The following NIN variants were observed in gnomAD, a reference collection of about 807,000 sequenced individuals.
NIN encodes ninein.
Under a neutral mutation model 257.6 loss-of-function variants are expected in NIN, and 137 were observed. That is an observed-to-expected ratio of 0.53 (90% CI 0.46 to 0.61). The LOEUF (loss-of-function observed/expected upper bound fraction) is 0.61. Among genes scored for constraint, NIN ranks in the 20% least tolerant of loss-of-function variants. NIN has a pLI of 0.00. For synonymous variants in NIN, 918 were observed against 919.8 expected (o/e 1.00, Z 0.04); for missense variants, 2,439 against 2,501.2 (o/e 0.98, Z 0.53).
At chr14:50,789,784 C>T (rs896097435) in intron 5 of NIN, among the ~76,000 whole-genome samples, 9 of 152,322 alleles carry the variant, frequency 5.9e-5, no homozygotes, top group African/African-American at 1.9e-4. Context: ...GTTTCCAGAG[C>T]AAGCTTGTGC....
intron 5 of NIN, among the ~76,000 whole-genome samples, chr14:50,791,061 A>C (rs1463034810): frequency 1.3e-5 from 2 of 152,240 alleles, no homozygotes; most frequent in African/African-American, 4.8e-5. Context: ...ATGAGTTATT[A>C]AACTTAAAAG....
rs749119072 is a variant in NIN at position 50,735,623 on chromosome 14, T to TA, written c.5776-7dup. ...AGGGAATTCATCTGACTGACCTGTT[T>TA]AAAAAAAACAAAATATTCCCTTGAA... On this transcript the variant is annotated splice_region_variant and splice_polypyrimidine_tract_variant and intron_variant, in intron 27 of 30. Transcript: ENST00000530997. 1.9e-4 allele frequency: 309 copies of TA among 1,600,234 alleles called. No individual in the cohort carries two copies. The highest frequency in any genetic ancestry group is 2.0e-4 in the Non-Finnish European group (231 of 1,176,812).
At position 50,741,637 on chromosome 14, in the gene NIN, GCCT is replaced by G. The variant is rs751622361; in HGVS notation, c.5390_5392del (p.Glu1797del). On this transcript the variant is annotated inframe_deletion, in exon 25 of 31. Transcript: ENST00000530997. ...TAAAGACATCACTTCTTGTTTTAAAGCCTCCTTTTCCTGCTGAGTCACTCGTAG... is the reference window on the plus strand; with the variant it reads ...TAAAGACATCACTTCTTGTTTTAAAGCCTTTTCCTGCTGAGTCACTCGTAG... 4 of 1,613,974 alleles carry G rather than the reference GCCT, an allele frequency of 2.5e-6. No homozygotes were observed. The highest frequency in any genetic ancestry group is 3.4e-6 in the Non-Finnish European group (4 of 1,179,998).
intron 10 of NIN, 52 bp downstream of exon 10, chr14:50,771,280 G>A: frequency 6.3e-7 from 1 of 1,598,188 alleles, no homozygotes. Flanking sequence ...CGAATGACTT[G>A]CTGGACAAGT....
intron 14 of NIN, among the ~76,000 whole-genome samples, chr14:50,765,602 C>G (rs1227304779): frequency 2.0e-5 from 3 of 151,708 alleles, no homozygotes; most frequent in East Asian, 3.9e-4. Flanking sequence ...TTTTTAAAAT[C>G]AAAGATTCTT....
chr14:50,742,585 G>A (rs775390776), intron 24 of NIN, among the ~76,000 whole-genome samples: 19 of 151,898 alleles, frequency 1.3e-4, no homozygotes, highest in Non-Finnish European at 2.6e-4. Context: ...TAGTAGAGAC[G>A]GGGTTTCACT....
At chr14:50,778,548 G>A (rs540688309) in intron 6 of NIN, among the ~76,000 whole-genome samples, 12 of 152,300 alleles carry the variant, frequency 7.9e-5, no homozygotes, top group South Asian at 2.1e-4. Flanking sequence ...AAATTAGCCC[G>A]TAAGTAAAAT....
At chr14:50,738,326 A>G in intron 26 of NIN, 40 bp from the exon 27 acceptor site, 1 of 1,585,602 alleles carries the variant, frequency 6.3e-7, no homozygotes, top group African/African-American at 1.4e-5. Context: ...TGCTAATACA[A>G]TCACCCAGCC....
chr14:50,778,845 T>C (rs780803010), intron 5 of NIN, 41 bp from the exon 6 acceptor site: 3 of 1,605,820 alleles, frequency 1.9e-6, no homozygotes, highest in East Asian at 2.2e-5. Context: ...TTAGAACTTA[T>C]TCAGAAAGAA....
intron 18 of NIN, 81 bp from the exon 19 acceptor site, chr14:50,754,948 A>G: frequency 3.1e-6 from 3 of 954,170 alleles, no homozygotes; most frequent in South Asian, 1.7e-5. Context: ...AACTTCCAAA[A>G]GGATGAGTAT....
chr14:50,778,675 C>G, intron 6 of NIN, 90 bp downstream of exon 6: 1 of 1,095,978 alleles, frequency 9.1e-7, no homozygotes, highest in Middle Eastern at 2.7e-4. Flanking sequence ...ATTCCCCTGG[C>G]CTGCAGCATA....
intron 12 of NIN, 37 bp from the exon 13 acceptor site, chr14:50,766,927 T>A (rs368301401): frequency 7.8e-6 from 11 of 1,412,304 alleles, no homozygotes; most frequent in Non-Finnish European, 2.0e-6. Context: ...TGGTACAGAT[T>A]AAGAAATTAG....
chr14:50,789,399 C>A (rs1275271196), intron 5 of NIN, among the ~76,000 whole-genome samples: 1 of 152,154 alleles, frequency 6.6e-6, no homozygotes, highest in South Asian at 2.1e-4. Context: ...ATGGTGAAAC[C>A]CCGTCTCTAC....
intron 2 of NIN, among the ~76,000 whole-genome samples, chr14:50,826,719 A>C (rs1225929482): frequency 6.6e-6 from 1 of 152,162 alleles, no homozygotes; most frequent in Non-Finnish European, 1.5e-5. Context: ...AAGTCTGGCG[A>C]GTGAAAAGGG....
intron 4 of NIN, among the ~76,000 whole-genome samples, chr14:50,797,427 A>G (rs1158791965): frequency 6.6e-6 from 1 of 152,198 alleles, no homozygotes; most frequent in African/African-American, 2.4e-5. Flanking sequence ...AAAGAACCTC[A>G]GCACAGGAGG....
At position 50,747,750 on chromosome 14, in the gene NIN, AG is replaced by A. The variant is rs533666591; in HGVS notation, c.5064+241del. Among the ~76,000 whole-genome samples, 9,427 of 145,248 alleles carry A rather than the reference AG, an allele frequency of 0.065. 322 individuals are homozygous for A. Among genetic ancestry groups the A allele is most frequent in the Non-Finnish European group, 0.073 (4,901 of 67,362 alleles). The stretch of plus-strand genomic sequence containing the variant: ...AAGGAAACTGTCTTAAAAAAAAAAA[AG>A]GGGGGGATTTTAGAGTGTACAACAT... On this transcript the variant is annotated intron_variant, in intron 22 of 30. Transcript: ENST00000530997.
At chr14:50,763,708 A>T in intron 15 of NIN, 118 bp downstream of exon 15, 2 of 776,474 alleles carry the variant, frequency 2.6e-6, no homozygotes, top group Non-Finnish European at 3.8e-6. Context: ...GAGTATGGCC[A>T]AATTCTTTTT....
intron 18 of NIN, among the ~76,000 whole-genome samples, chr14:50,755,433 A>C (rs1014191491): frequency 4.6e-5 from 7 of 151,526 alleles, no homozygotes; most frequent in African/African-American, 1.5e-4. Flanking sequence ...ATTATTTCAG[A>C]GACATTTCAG....
intron 4 of NIN, among the ~76,000 whole-genome samples, chr14:50,804,378 C>G (rs1176163383): frequency 6.6e-6 from 1 of 152,166 alleles, no homozygotes; most frequent in Non-Finnish European, 1.5e-5. Context: ...AGGCTCAATC[C>G]TAGGTTTTAT....
Sources: gnomAD v4.1 joint callset for allele counts (sites outside exome capture counted in the v4.1 genomes callset) on GRCh38, gnomAD v4.1.1 for gene constraint, MANE v1.5 for transcripts, NCBI Gene and HGNC (gene_info 2026-07-23, HGNC 2026-07-21) for gene names.